Variants in CFAP20DC observed in about 807,000 individuals in gnomAD.
The protein encoded by CFAP20DC is CFAP20 domain containing, also known as protein CFAP20DC.
In CFAP20DC, 84 loss-of-function variants were observed where a neutral mutation model predicts 101.7. The observed-to-expected ratio is 0.83, with a 90% CI of 0.69 to 0.99. The LOEUF (loss-of-function observed/expected upper bound fraction) is 0.99, where lower values mean the gene tolerates loss of function less well. Among genes scored for constraint, CFAP20DC ranks in the 50% least tolerant of loss-of-function variants. CFAP20DC has a pLI of 0.00. For missense variants in CFAP20DC, 1,007 were observed against 970.3 expected (o/e 1.04, Z -0.50); for synonymous variants, 359 against 351.2 (o/e 1.02, Z -0.25).
chr3:58,753,632 A>C (rs536025973), intron 16 of CFAP20DC, 137 bp downstream of exon 16: 2 of 637,880 alleles, frequency 3.1e-6, no homozygotes, highest in South Asian at 3.9e-5. Context: ...AATGAGGCTC[A>C]GGTTACCTCA....
intron 14 of CFAP20DC, among the ~76,000 whole-genome samples, chr3:58,812,875 A>C (rs1043019842): frequency 6.6e-6 from 1 of 151,806 alleles, no homozygotes; most frequent in South Asian, 2.1e-4. Flanking sequence ...CATGTATTGA[A>C]ATTTTCCTCT....
At chr3:58,866,788 C>A in intron 10 of CFAP20DC, 100 bp from the exon 11 acceptor site, 1 of 712,242 alleles carries the variant, frequency 1.4e-6, no homozygotes, top group Non-Finnish European at 2.2e-6. Context: ...ACTATTTGAT[C>A]ATTTAAAAGC....
intron 14 of CFAP20DC, among the ~76,000 whole-genome samples, chr3:58,810,452 C>G (rs966048491): frequency 3.9e-5 from 6 of 152,128 alleles, no homozygotes; most frequent in African/African-American, 1.4e-4. Context: ...AAGACAAAAA[C>G]CACATCATAA....
rs987580223 is a variant in CFAP20DC, at chr3:58,849,313, G to A, written c.1690C>T (p.Arg564Trp). Reference protein sequence around the residue: ...LESLLGKAAKRTSKEYLRSAY... With the variant: ...LESLLGKAAKWTSKEYLRSAY... ...CTCCTTAGATATTCCTTACTTGTCC[G>A]CTTTGCAGCCTTCCCCAGCAGGCTC... Residue 564 changes from arginine to tryptophan, a missense_variant, in exon 13 of 17, where the codon CGG (arginine) becomes TGG (tryptophan). Coordinates refer to ENST00000482387, the MANE Select transcript of CFAP20DC (RefSeq NM_001394063.1). 1.4e-5 allele frequency: 21 copies of A among 1,535,872 alleles called. No individual in the cohort carries two copies. In the African/African-American group the frequency reaches 2.1e-4, roughly 15 times the overall value.
At chr3:58,760,832 T>C (rs2069498948) in intron 15 of CFAP20DC, among the ~76,000 whole-genome samples, 1 of 152,232 alleles carries the variant, frequency 6.6e-6, no homozygotes, top group African/African-American at 2.4e-5. Flanking sequence ...CATGCTGGAT[T>C]ACATTTATTT....
intron 14 of CFAP20DC, among the ~76,000 whole-genome samples, chr3:58,826,544 G>C (rs938342719): frequency 6.6e-6 from 1 of 152,164 alleles, no homozygotes; most frequent in African/African-American, 2.4e-5. Context: ...TTATGAGTGA[G>C]AATATGCAGT....
chr3:59,005,572 C>T (rs935878487), intron 4 of CFAP20DC, among the ~76,000 whole-genome samples: 30 of 152,014 alleles, frequency 2.0e-4, no homozygotes, highest in African/African-American at 3.4e-4. Context: ...TTAAGCTTTC[C>T]GCTTATATTC....
At chr3:58,952,222 T>C (rs2090196691) in intron 4 of CFAP20DC, among the ~76,000 whole-genome samples, 1 of 152,172 alleles carries the variant, frequency 6.6e-6, no homozygotes, top group African/African-American at 2.4e-5. Flanking sequence ...GGTTTCATGT[T>C]CCAGTGGTTT....
chr3:58,769,353 G>A (rs1057233072), intron 15 of CFAP20DC, among the ~76,000 whole-genome samples: 10 of 152,114 alleles, frequency 6.6e-5, no homozygotes, highest in South Asian at 2.1e-4. Flanking sequence ...GAAGATGTCC[G>A]GAAAGATTCC....
rs185208483 is a variant in CFAP20DC at position 58,848,126 on chromosome 3, C to G, written c.1971+906G>C. On this transcript the variant is annotated intron_variant, in intron 13 of 16. Transcript: ENST00000482387. ...GGCACATGTATACATATGTAACTAA[C>G]CTGCACAATGTGCACATGTACCCTA... Among the ~76,000 whole-genome samples, 453 of 141,184 alleles carry G rather than the reference C, an allele frequency of 3.2e-3. 1 individual carries two copies. The highest frequency in any genetic ancestry group is 6.2e-3 in the South Asian group (25 of 4,058). The allele number at this position is 141,184 out of a possible 152,430, so 92.6% of individuals were successfully genotyped here. A position where few individuals can be genotyped will look rare whatever the true frequency, so the allele number is the denominator to read the frequency against.
chr3:58,938,254 A>C (rs1040125517), intron 4 of CFAP20DC, among the ~76,000 whole-genome samples: 6 of 152,236 alleles, frequency 3.9e-5, no homozygotes, highest in African/African-American at 1.4e-4. Flanking sequence ...TCCTAAGCAC[A>C]TATCTTCCAA....
At chr3:58,885,908 G>A (rs368368560) in intron 6 of CFAP20DC, among the ~76,000 whole-genome samples, 2 of 151,960 alleles carry the variant, frequency 1.3e-5, no homozygotes, top group African/African-American at 2.4e-5. Context: ...GAATAGTGCT[G>A]CAATAAACAT....
intron 12 of CFAP20DC, among the ~76,000 whole-genome samples, chr3:58,855,902 G>C (rs1002133698): frequency 2.0e-5 from 3 of 150,512 alleles, no homozygotes; most frequent in Admixed American, 2.0e-4. Flanking sequence ...GAGTTAGTGG[G>C]TGCAGCGCAC....
In CFAP20DC at chr3:58,728,914, G is replaced by A. The variant is rs2067595490; in HGVS notation, c.198-11286C>T. On this transcript the variant is annotated intron_variant, in intron 3 of 3. Coordinates refer to the CFAP20DC transcript ENST00000486145. The surrounding 1 kb of genome is among the most constrained non-coding windows in gnomAD (Gnocchi z 4.7). The stretch of plus-strand genomic sequence containing the variant: ...AGAGCTGGTCTGTGTGACCAATCAA[G>A]TATGGATGATGATGATGTGTGACTG... Among the ~76,000 whole-genome samples, 1 of 152,160 alleles carries A rather than the reference G, an allele frequency of 6.6e-6. No individual in the cohort carries two copies. Among genetic ancestry groups the A allele is most frequent in the Non-Finnish European group, 1.5e-5 (1 of 68,044 alleles).
intron 15 of CFAP20DC, among the ~76,000 whole-genome samples, chr3:58,766,735 G>A (rs1414664437): frequency 6.6e-6 from 1 of 152,092 alleles, no homozygotes; most frequent in Non-Finnish European, 1.5e-5. Context: ...CTCTGGCCAC[G>A]CTGGTCTTCT....
intron 4 of CFAP20DC, among the ~76,000 whole-genome samples, chr3:58,974,179 G>C (rs922241074): frequency 1.3e-5 from 2 of 152,036 alleles, no homozygotes; most frequent in Non-Finnish European, 2.9e-5. Flanking sequence ...ACTGAAGTTT[G>C]GTGTACAAAT....
At chr3:58,810,774 G>A (rs1458816653) in intron 14 of CFAP20DC, among the ~76,000 whole-genome samples, 1 of 151,436 alleles carries the variant, frequency 6.6e-6, no homozygotes, top group Non-Finnish European at 1.5e-5. Flanking sequence ...GTCCCTGTTT[G>A]CAGATGACAT....
chr3:58,813,764 C>T (rs1207478211), intron 14 of CFAP20DC, among the ~76,000 whole-genome samples: 2 of 151,738 alleles, frequency 1.3e-5, no homozygotes, highest in Non-Finnish European at 2.9e-5. Flanking sequence ...CTGTTATGCA[C>T]CATGAATTTA....
At chr3:58,950,475 A>C (rs2089973011) in intron 4 of CFAP20DC, among the ~76,000 whole-genome samples, 1 of 152,212 alleles carries the variant, frequency 6.6e-6, no homozygotes, top group Admixed American at 6.5e-5. Context: ...CCAAAAGAAC[A>C]AAGCTGGAGG....
Sources: gnomAD v4.1 joint callset for allele counts (sites outside exome capture counted in the v4.1 genomes callset) on GRCh38, gnomAD v4.1.1 for gene constraint, Gnocchi (gnomAD v3.1) non-coding constraint, MANE v1.5 for transcripts, NCBI Gene and HGNC (gene_info 2026-07-23, HGNC 2026-07-21) for gene names.